FXYD1: variants seen among roughly 807,000 people sequenced by gnomAD.
FXYD1 encodes phospholemman.
A neutral mutation model predicts 17.2 loss-of-function variants in FXYD1; 9 were observed. That is an observed-to-expected ratio of 0.52 (90% CI 0.32 to 0.91). The LOEUF (loss-of-function observed/expected upper bound fraction) is 0.91. Among genes scored for constraint, FXYD1 ranks in the 40% least tolerant of loss-of-function variants. The pLI is 0.04. For synonymous variants in FXYD1, 55 were observed against 45.8 expected, an observed-to-expected ratio of 1.20 and a Z score of -0.81; for missense variants, 113 against 120.6, an observed-to-expected ratio of 0.94 and a Z score of 0.29.
chr19:35,142,237 CA>C, intron 5 of FXYD1: 1 of 455,022 alleles, frequency 2.2e-6, no homozygotes, highest in Non-Finnish European at 3.9e-6. Context: ...ACCAACTTCA[CA>C]TCCCTGCCCC....
Position 35,141,138 on chromosome 19 carries a change from A to C in FXYD1, c.101A>C (p.Gln34Pro). The change falls in exon 4 of 8, where the codon CAG becomes CCG. Residue 34 changes from glutamine (Q) to proline (P), a missense_variant. Coordinates refer to ENST00000351325, the MANE Select transcript of FXYD1 (RefSeq NM_021902.4). ...CCTGCTCTGCTGCTCACAGACTACC[A>C]GTCCCTGCAGATCGGAGGCCTCGTC... Reference protein sequence around the residue: ...KEHDPFTYDYQSLQIGGLVIA... With the variant: ...KEHDPFTYDYPSLQIGGLVIA... 1 of 1,603,666 alleles carries C rather than the reference A, an allele frequency of 6.2e-7. No individual in the cohort carries two copies. The highest frequency in any genetic ancestry group is 8.5e-7 in the Non-Finnish European group (1 of 1,171,636).
chr19:35,142,551 G>A (rs745846966), intron 6 of FXYD1, 30 bp downstream of exon 6: 4 of 1,605,440 alleles, frequency 2.5e-6, no homozygotes, highest in Non-Finnish European at 3.4e-6. Flanking sequence ...GGGTATTCTG[G>A]GGAGAGGGCT....
At chr19:35,137,226 C>G (rs1458742692), upstream of FXYD1, among the ~76,000 whole-genome samples, 2 of 152,208 alleles carry the variant, frequency 1.3e-5, no homozygotes. Flanking sequence ...GAGTGCAGTG[C>G]CTGGGCCATT....
intron 6 of FXYD1, 41 bp downstream of exon 6, chr19:35,142,562 G>A (rs1262943215): frequency 1.3e-6 from 2 of 1,592,804 alleles, no homozygotes; most frequent in African/African-American, 1.3e-5. Flanking sequence ...GGAGAGGGCT[G>A]GTTCCAAGGA....
intron 6 of FXYD1, 60 bp from the exon 7 acceptor site, chr19:35,142,660 C>A: frequency 1.9e-6 from 3 of 1,581,100 alleles, no homozygotes; most frequent in Non-Finnish European, 1.7e-6. Flanking sequence ...GCGGGCCCCA[C>A]CTGCCCAGGA....
chr19:35,141,495 G>C (rs781505300), intron 4 of FXYD1, 41 bp from the exon 5 acceptor site: 3 of 1,566,844 alleles, frequency 1.9e-6, no homozygotes, highest in Non-Finnish European at 2.6e-6. Context: ...GGCGCCCGCC[G>C]GGAGGGAGCC....
At chr19:35,137,939 C>A (rs1389236851), upstream of FXYD1, 1 of 152,210 alleles carries the variant, frequency 6.6e-6, no homozygotes, top group Non-Finnish European at 1.5e-5. Context: ...CCATGTTTGG[C>A]CATGCATCTT....
chr19:35,141,678 A>G, intron 5 of FXYD1, 106 bp downstream of exon 5: 2 of 916,410 alleles, frequency 2.2e-6, no homozygotes, highest in Non-Finnish European at 3.4e-6. Context: ...GTCAGCGACT[A>G]TGTATTAAGC....
upstream of FXYD1, among the ~76,000 whole-genome samples, chr19:35,137,305 G>A (rs889394119): frequency 4.6e-5 from 7 of 152,194 alleles, no homozygotes; most frequent in African/African-American, 1.4e-4. Flanking sequence ...TGTTGTCCCC[G>A]ACAAGAGCTC....
rs1258380236 is a variant in FXYD1 at position 35,142,738 on chromosome 19, G to T, written c.275G>T (p.Arg92Leu). ...SSIRRLSTRR[R>L] ...CCCCCAGGTCTGTCCACCCGCAGGC[G>T]GTAGAAACACCTGGAGCGATGGAAT... Residue 92 changes from arginine to leucine, a missense_variant, in exon 7 of 8, where the codon CGG (arginine) becomes CTG (leucine). Coordinates refer to ENST00000351325, the MANE Select transcript of FXYD1 (RefSeq NM_021902.4). 1 of 1,613,590 alleles carries T rather than the reference G, an allele frequency of 6.2e-7. No individual in the cohort carries two copies. The highest frequency in any genetic ancestry group is 8.5e-7 in the Non-Finnish European group (1 of 1,179,780).
In FXYD1 at chr19:35,139,913, A is replaced by G. The variant is rs568876540; in HGVS notation, c.-4-163A>G. The G allele has an allele frequency of 1.1e-5, 7 of 617,524 alleles. No individual in the cohort carries two copies. The South Asian group carries it at 1.3e-4, about 11-fold the overall frequency. 38.3% of individuals were successfully genotyped at this position (617,524 alleles called of 1,614,324 possible). On this transcript the variant is annotated intron_variant, in intron 1 of 7. Coordinates refer to ENST00000351325, the MANE Select transcript of FXYD1 (RefSeq NM_021902.4). ...GTTGTTTTGGTGACACTGTGTCCCC[A>G]CGAAGCTGGGGATACCCGTTTCTCT...
chr19:35,142,790 G>A lies in FXYD1; in HGVS notation c.*29+19G>A. The A allele has an allele frequency of 6.3e-7, 1 of 1,585,448 alleles. No individual in the cohort carries two copies. The highest frequency in any genetic ancestry group is 8.7e-7 in the Non-Finnish European group (1 of 1,155,946). ...CGGCCAGGTGCTGCAGCTCTGACAC[G>A]GCGGTGGGAGGGAAGGAGGGAGGAA... On this transcript the variant is annotated intron_variant, in intron 7 of 7. Transcript: ENST00000351325.
intron 5 of FXYD1, 65 bp from the exon 6 acceptor site, chr19:35,142,407 G>C: frequency 8.1e-7 from 1 of 1,232,766 alleles, no homozygotes; most frequent in South Asian, 1.3e-5. Flanking sequence ...TTGTACTGGG[G>C]GGTTCCTAGA....
chr19:35,140,277 C>A, intron 2 of FXYD1, 137 bp downstream of exon 2: 1 of 675,842 alleles, frequency 1.5e-6, no homozygotes, highest in Non-Finnish European at 2.7e-6. Context: ...CACGTGGGGT[C>A]CAGTCACAGG....
intron 3 of FXYD1, 131 bp from the exon 4 acceptor site, chr19:35,140,996 GCTCCC>G: frequency 1.7e-6 from 1 of 596,824 alleles, no homozygotes. Flanking sequence ...TCCCATATCT[GCTCCC>G]CCTTAATTAT....
At position 35,140,634 on chromosome 19, in the gene FXYD1, G is replaced by C; in HGVS notation, c.94+5G>C. On this transcript the variant is annotated splice_donor_5th_base_variant and intron_variant, in intron 3 of 7. Coordinates refer to ENST00000351325, the MANE Select transcript of FXYD1 (RefSeq NM_021902.4). Reference sequence around the variant, plus strand: ...AACACGACCCGTTCACTTACGGTGAGCGGGGGGTCTAATTTTGAGTCCTGG... The same window carrying C: ...AACACGACCCGTTCACTTACGGTGACCGGGGGGTCTAATTTTGAGTCCTGG... The C allele has an allele frequency of 6.2e-7, 1 of 1,612,948 alleles. No homozygotes were observed.
At chr19:35,137,378 T>C (rs562990412), upstream of FXYD1, among the ~76,000 whole-genome samples, 1 of 152,372 alleles carries the variant, frequency 6.6e-6, no homozygotes, top group South Asian at 2.1e-4. Flanking sequence ...AACATGCAAG[T>C]GTGTCAGCCT....
At chr19:35,140,671 G>C (rs752217839) in intron 3 of FXYD1, 42 bp downstream of exon 3, 1 of 1,575,558 alleles carries the variant, frequency 6.3e-7, no homozygotes, top group Non-Finnish European at 8.7e-7. Context: ...GGAGAGCCTG[G>C]CTTTGCTGGT....
At chr19:35,141,409 C>G in intron 4 of FXYD1, 127 bp from the exon 5 acceptor site, 1 of 792,746 alleles carries the variant, frequency 1.3e-6, no homozygotes. Flanking sequence ...CCCCGGCCCC[C>G]GGTCTCGCCT....
Sources: gnomAD v4.1 joint callset for allele counts (sites outside exome capture counted in the v4.1 genomes callset) on GRCh38, gnomAD v4.1.1 for gene constraint, MANE v1.5 for transcripts, NCBI Gene and HGNC (gene_info 2026-07-23, HGNC 2026-07-21) for gene names.